Variants in IL17RB observed in about 807,000 individuals in gnomAD.
The protein encoded by IL17RB is interleukin-17 receptor B.
IL17RB carries 36 observed loss-of-function variants against 43.9 expected under a neutral mutation model. The ratio of observed to expected loss-of-function variants is 0.82; its 90% CI spans 0.63 to 1.08. The LOEUF (loss-of-function observed/expected upper bound fraction) is 1.08. Ranked by LOEUF, IL17RB falls within the 50% of genes least tolerant of loss-of-function variation. The probability of loss-of-function intolerance (pLI) is 0.00; values close to 1 mark genes in which losing one functional copy is unlikely to be tolerated. For missense variants in IL17RB, 613 were observed against 613.6 expected, an observed-to-expected ratio of 1.00 and a Z score of 0.01; for synonymous variants, 225 against 225.4, an observed-to-expected ratio of 1.00 and a Z score of 0.02.
chr3:53,857,725 GA>G, intron 8 of IL17RB, 35 bp downstream of exon 8: 1 of 1,526,050 alleles, frequency 6.6e-7, no homozygotes, highest in East Asian at 2.2e-5. Context: ...GGAGGGAAGG[GA>G]CATAGAAGAC....
chr3:53,857,051 G>A, intron 7 of IL17RB, 65 bp downstream of exon 7: 1 of 1,550,656 alleles, frequency 6.4e-7, no homozygotes, highest in Non-Finnish European at 8.9e-7. Flanking sequence ...GAAGGAAAAT[G>A]GGGACAGTGT....
chr3:53,855,195 T>C, intron 5 of IL17RB, 99 bp from the exon 6 acceptor site: 2 of 547,546 alleles, frequency 3.7e-6, no homozygotes, highest in South Asian at 6.1e-5. Context: ...TGGCAATTTG[T>C]TACAGGTGTG....
At chr3:53,862,045 C>A (rs1356622545) in intron 10 of IL17RB, among the ~76,000 whole-genome samples, 1 of 152,164 alleles carries the variant, frequency 6.6e-6, no homozygotes, top group Non-Finnish European at 1.5e-5. Context: ...TTTGGTTGTA[C>A]AATAAGAAGG....
intron 8 of IL17RB, 52 bp downstream of exon 8, chr3:53,857,742 C>T (rs1329568517): frequency 2.1e-6 from 3 of 1,459,090 alleles, no homozygotes; most frequent in African/African-American, 1.4e-5. Context: ...AAGACTGTTC[C>T]ATCATTCATT....
chr3:53,856,822 A>G (rs768890797), intron 6 of IL17RB, 22 bp from the exon 7 acceptor site: 3 of 1,613,896 alleles, frequency 1.9e-6, no homozygotes, highest in Admixed American at 1.7e-5. Context: ...GTTCATCTAC[A>G]TGGTTCTCTC....
chr3:53,862,421 G>A (rs1380236173), intron 10 of IL17RB, among the ~76,000 whole-genome samples: 1 of 152,216 alleles, frequency 6.6e-6, no homozygotes, highest in Non-Finnish European at 1.5e-5. Flanking sequence ...AGCCATGAAA[G>A]CCATCAAGCC....
chr3:53,865,019 C>T lies in IL17RB; in HGVS notation c.1220C>T (p.Thr407Ile). Residue 407 changes from threonine (T) to isoleucine (I), a missense_variant, in exon 11 of 11, where the codon ACC becomes ATC. Physicochemically the swap from Thr to Ile is moderately conservative, Grantham distance 89 (BLOSUM62 -1). Transcript: ENST00000288167. ...GACGTCAACAGTGTGTGCGATGGTA[C>T]CTGTGGCAAGAGCGAGGGCAGTCCC... ...SNDVNSVCDG[T>I]CGKSEGSPSE... 6.2e-7 allele frequency: 1 copy of T among 1,614,186 alleles called. No homozygotes were observed. The highest frequency in any genetic ancestry group is 8.5e-7 in the Non-Finnish European group (1 of 1,180,044).
intron 1 of IL17RB, among the ~76,000 whole-genome samples, 197 bp downstream of exon 1, chr3:53,846,845 C>G (rs529363353): frequency 4.6e-5 from 7 of 152,320 alleles, no homozygotes; most frequent in East Asian, 1.9e-4. Flanking sequence ...CAGACAGACC[C>G]GGTCTCAGAT....
chr3:53,858,688 T>G, intron 8 of IL17RB, 31 bp from the exon 9 acceptor site: 10 of 1,611,568 alleles, frequency 6.2e-6, no homozygotes, highest in Non-Finnish European at 8.5e-6. Flanking sequence ...ATGCATGGTG[T>G]GAACTTTCTG....
chr3:53,862,406 G>C (rs1373618910), intron 10 of IL17RB, among the ~76,000 whole-genome samples: 1 of 152,210 alleles, frequency 6.6e-6, no homozygotes, highest in Non-Finnish European at 1.5e-5. Flanking sequence ...CATTGTGACA[G>C]AGCAAGCCAT....
chr3:53,860,367 C>T, intron 10 of IL17RB, 139 bp downstream of exon 10: 1 of 590,814 alleles, frequency 1.7e-6, no homozygotes, highest in Non-Finnish European at 3.0e-6. Flanking sequence ...CCTTCAAGTG[C>T]TCCTACAGAG....
chr3:53,857,801 C>A, intron 8 of IL17RB, 111 bp downstream of exon 8: 1 of 1,003,960 alleles, frequency 1.0e-6, no homozygotes, highest in Non-Finnish European at 1.6e-6. Context: ...TGCCAGCAGA[C>A]ACCAGTTAAG....
chr3:53,861,051 T>C (rs1456707586), intron 10 of IL17RB: 1 of 152,206 alleles, frequency 6.6e-6, no homozygotes, highest in African/African-American at 2.4e-5. Flanking sequence ...GCTACTGTGG[T>C]GAGCTCAAGG....
Position 53,852,141 on chromosome 3 carries a change from GT to G in IL17RB, c.354+21del. 1.2e-6 allele frequency: 2 copies of G among 1,612,756 alleles called. No individual in the cohort carries two copies. The highest frequency in any genetic ancestry group is 1.7e-6 in the Non-Finnish European group (2 of 1,179,418). ...CTGGTGGTAAAGTAAGCACTTTTTT[GT>G]TTTTTGTTTTGTTTTTTGAGATAGC... On this transcript the variant is annotated intron_variant, in intron 4 of 10. Coordinates refer to ENST00000288167, the MANE Select transcript of IL17RB (RefSeq NM_018725.4).
chr3:53,852,265 C>T, intron 4 of IL17RB, 139 bp downstream of exon 4: 4 of 792,056 alleles, frequency 5.1e-6, no homozygotes, highest in Non-Finnish European at 8.1e-6. Flanking sequence ...CTTCAGCCTC[C>T]CAAGCAGCTG....
At position 53,846,658 on chromosome 3, in the gene IL17RB, C is replaced by G. The variant is rs1698909570; in HGVS notation, c.60+10C>G. On this transcript the variant is annotated intron_variant, in intron 1 of 10. Transcript: ENST00000288167. ...CGTACCCCGAGAGCCGGTAAGCCCC[C>G]GCCAGCACCTCTTCCCTCATCTCCC... 3 of 1,588,824 alleles carry G rather than the reference C, an allele frequency of 1.9e-6. No individual in the cohort carries two copies. The highest frequency in any genetic ancestry group is 2.6e-6 in the Non-Finnish European group (3 of 1,170,458).
intron 10 of IL17RB, 76 bp downstream of exon 10, chr3:53,860,304 T>C (rs1576844665): frequency 8.3e-7 from 1 of 1,209,534 alleles, no homozygotes; most frequent in Non-Finnish European, 1.2e-6. Flanking sequence ...AAGATTCCTC[T>C]GGAGGCAATC....
At chr3:53,851,838 C>T (rs559076842) in intron 3 of IL17RB, among the ~76,000 whole-genome samples, 161 bp from the exon 4 acceptor site, 3 of 152,306 alleles carry the variant, frequency 2.0e-5, no homozygotes, top group Admixed American at 6.5e-5. Context: ...CTAAGCCTCA[C>T]GAACCCCATC....
chr3:53,860,101 C>T, intron 9 of IL17RB, 29 bp from the exon 10 acceptor site: 2 of 1,519,986 alleles, frequency 1.3e-6, no homozygotes, highest in Non-Finnish European at 1.8e-6. Flanking sequence ...ATTTGTTTTC[C>T]AAAGGTGAAT....
Sources: gnomAD v4.1 joint callset for allele counts (sites outside exome capture counted in the v4.1 genomes callset) on GRCh38, gnomAD v4.1.1 for gene constraint, MANE v1.5 for transcripts, NCBI Gene and HGNC (gene_info 2026-07-23, HGNC 2026-07-21) for gene names.